Variants in MTUS2 observed in about 807,000 individuals in gnomAD.
MTUS2 encodes the protein microtubule-associated tumor suppressor candidate 2.
Under a neutral mutation model 114.1 loss-of-function variants are expected in MTUS2, and 40 were observed. That is an observed-to-expected ratio of 0.35 (90% CI 0.27 to 0.46). The LOEUF (loss-of-function observed/expected upper bound fraction) is 0.46. Ranked by LOEUF, MTUS2 falls within the 20% of genes least tolerant of loss-of-function variation. MTUS2 has a pLI of 1.00. For synonymous variants in MTUS2, 688 were observed against 672.0 expected (o/e 1.02, Z -0.37); for missense variants, 1,679 against 1,705.4 (o/e 0.98, Z 0.27).
At chr13:29,282,597 TC>T (rs1898319269) in intron 6 of MTUS2, among the ~76,000 whole-genome samples, 1 of 152,230 alleles carries the variant, frequency 6.6e-6, no homozygotes, top group East Asian at 1.9e-4. Flanking sequence ...TGTATCTTGT[TC>T]CTAGCTTTTC....
intron 7 of MTUS2, among the ~76,000 whole-genome samples, chr13:29,325,471 GAAA>G (rs1158042405): frequency 3.3e-5 from 3 of 92,248 alleles, no homozygotes; most frequent in African/African-American, 7.6e-5. Context: ...AAAAAAAAAA[GAAA>G]AGAAGAAGAG....
chr13:28,969,470 T>C (rs955006204), intron 2 of MTUS2, among the ~76,000 whole-genome samples: 1 of 152,092 alleles, frequency 6.6e-6, no homozygotes, highest in African/African-American at 2.4e-5. Flanking sequence ...ATGATTATTA[T>C]TTTTGAGATG....
intron 5 of MTUS2, among the ~76,000 whole-genome samples, chr13:29,251,549 T>G (rs1468854542): frequency 6.6e-6 from 1 of 152,178 alleles, no homozygotes; most frequent in Admixed American, 6.5e-5. Flanking sequence ...ACAGAAACTC[T>G]GTGCCATTAA....
intron 5 of MTUS2, among the ~76,000 whole-genome samples, chr13:29,247,993 C>A (rs996812555): frequency 6.6e-6 from 1 of 152,176 alleles, no homozygotes; most frequent in Non-Finnish European, 1.5e-5. Context: ...AAATGTGGAA[C>A]CAGCCCAAAT....
At chr13:29,048,452 A>G (rs1039436515) in intron 4 of MTUS2, among the ~76,000 whole-genome samples, 1 of 152,002 alleles carries the variant, frequency 6.6e-6, no homozygotes, top group African/African-American at 2.4e-5. Context: ...TTTTTCCTTT[A>G]TGAGTATTGG....
At chr13:29,292,367 T>C (rs1288026386) in intron 6 of MTUS2, among the ~76,000 whole-genome samples, 2 of 152,238 alleles carry the variant, frequency 1.3e-5, no homozygotes, top group Non-Finnish European at 2.9e-5. Flanking sequence ...CCTAGATTTC[T>C]GATGTGAGTT....
chr13:29,484,592 G>A (rs1026980647), intron 10 of MTUS2, among the ~76,000 whole-genome samples: 29 of 152,344 alleles, frequency 1.9e-4, no homozygotes, highest in African/African-American at 7.0e-4. Context: ...TGTAAGCCTG[G>A]ACCAAGTGAA....
intron 2 of MTUS2, among the ~76,000 whole-genome samples, chr13:28,966,678 T>C (rs760191050): frequency 5.8e-5 from 8 of 137,980 alleles, no homozygotes; most frequent in Non-Finnish European, 9.1e-5. Context: ...TGAGCTGTGA[T>C]GGTGTTACTG....
chr13:29,475,638 C>T (rs988014992), intron 9 of MTUS2, among the ~76,000 whole-genome samples: 1 of 150,340 alleles, frequency 6.7e-6, no homozygotes, highest in East Asian at 2.0e-4. Flanking sequence ...TAGTTTTTAA[C>T]AAAAAAGCTT....
chr13:29,135,571 A>G (rs1451254294), intron 5 of MTUS2, among the ~76,000 whole-genome samples: 1 of 151,738 alleles, frequency 6.6e-6, no homozygotes, highest in Non-Finnish European at 1.5e-5. Flanking sequence ...CCATTTTGTT[A>G]TTTGTTTTCT....
At chr13:29,328,446 C>CAG (rs1393512433) in intron 7 of MTUS2, among the ~76,000 whole-genome samples, 2 of 152,206 alleles carry the variant, frequency 1.3e-5, no homozygotes, top group Non-Finnish European at 2.9e-5. Flanking sequence ...CCTCTCAAAG[C>CAG]AGAGGGCTGG....
chr13:29,468,328 CA>C (rs1285720099), intron 9 of MTUS2, among the ~76,000 whole-genome samples: 1 of 152,068 alleles, frequency 6.6e-6, no homozygotes, highest in Admixed American at 6.5e-5. Context: ...CCTGTAATCC[CA>C]GCACTTTGGG....
chr13:29,480,250 C>T lies in MTUS2; in HGVS notation c.3285C>T (p.Ala1095=), dbSNP rs1201911608. 1.1e-5 allele frequency: 17 copies of T among 1,553,354 alleles called. No individual in the cohort carries two copies. Among genetic ancestry groups the T allele is most frequent in the African/African-American group, 2.7e-5 (2 of 73,168 alleles). ...EVKRLGWQQQ[A]ELQELEERLQ... is the part of the protein sequence containing the mutation. ...AGAGGCTGGGCTGGCAGCAGCAGGC[C>T]GAGCTCCAGGAGCTGGAGGAGCGGC... Residue 1095 remains alanine (A), a synonymous_variant, in exon 10 of 16, where the codon GCC becomes GCT. Transcript: ENST00000612955. The surrounding 1 kb of genome is among the most constrained non-coding windows in gnomAD (Gnocchi z 4.4).
intron 6 of MTUS2, among the ~76,000 whole-genome samples, chr13:29,295,625 A>G (rs777972891): frequency 6.6e-6 from 1 of 152,236 alleles, no homozygotes; most frequent in African/African-American, 2.4e-5. Context: ...ATGGCTACAT[A>G]GTATTCCATT....
intron 2 of MTUS2, among the ~76,000 whole-genome samples, chr13:28,842,657 T>G (rs1715555894): frequency 6.6e-6 from 1 of 152,144 alleles, no homozygotes; most frequent in Non-Finnish European, 1.5e-5. Context: ...AAGAGATCCT[T>G]TATGATGATT....
At chr13:29,424,031 ATT>A (rs35299233) in intron 8 of MTUS2, among the ~76,000 whole-genome samples, 345 of 145,062 alleles carry the variant, frequency 2.4e-3, no homozygotes, top group Middle Eastern at 3.5e-3. Context: ...TGCCTGGCTA[ATT>A]TTTTTTTTTT....
intron 6 of MTUS2, among the ~76,000 whole-genome samples, chr13:29,296,593 A>G (rs1034375188): frequency 3.3e-5 from 5 of 152,064 alleles, no homozygotes; most frequent in African/African-American, 1.2e-4. Context: ...CTCATTCTCT[A>G]TGTTCTCACC....
chr13:29,317,224 G>A (rs552734325), intron 6 of MTUS2, among the ~76,000 whole-genome samples: 3 of 152,268 alleles, frequency 2.0e-5, no homozygotes, highest in African/African-American at 7.2e-5. Flanking sequence ...TGCAGTACAT[G>A]TGTGTTGAAA....
chr13:29,012,208 A>G (rs1885874330), intron 2 of MTUS2, among the ~76,000 whole-genome samples: 1 of 152,178 alleles, frequency 6.6e-6, no homozygotes, highest in Non-Finnish European at 1.5e-5. Flanking sequence ...GCTCTGAAGT[A>G]AACCCATGTG....
Sources: allele counts gnomAD v4.1 joint callset (sites outside exome capture counted in the v4.1 genomes callset), GRCh38; gene constraint gnomAD v4.1.1; non-coding constraint Gnocchi (gnomAD v3.1); transcripts MANE v1.5; gene names NCBI Gene and HGNC (gene_info 2026-07-23, HGNC 2026-07-21).